ADAMTS6: variants seen among roughly 807,000 people sequenced by gnomAD.
ADAMTS6 encodes the protein ADAM metallopeptidase with thrombospondin type 1 motif 6, also known as A disintegrin and metalloproteinase with thrombospondin motifs 6.
A neutral mutation model predicts 144.3 loss-of-function variants in ADAMTS6; 23 were observed. That is an observed-to-expected ratio of 0.16 (90% CI 0.11 to 0.23). The LOEUF (loss-of-function observed/expected upper bound fraction) is 0.23. ADAMTS6 is among the 10% of genes least tolerant of loss of function. The pLI is 1.00. For synonymous variants in ADAMTS6, 444 were observed against 457.5 expected, an observed-to-expected ratio of 0.97 and a Z score of 0.38; for missense variants, 999 against 1,379.6, an observed-to-expected ratio of 0.72 and a Z score of 4.37.
At chr5:65,402,512 C>A (rs1255632381) in intron 7 of ADAMTS6, among the ~76,000 whole-genome samples, 1 of 152,140 alleles carries the variant, frequency 6.6e-6, no homozygotes, top group East Asian at 1.9e-4. Context: ...TCTATAACAT[C>A]ACCTTCTTAT....
At chr5:65,322,554 G>A (rs1458928097) in intron 9 of ADAMTS6, among the ~76,000 whole-genome samples, 1 of 137,918 alleles carries the variant, frequency 7.3e-6, no homozygotes, top group Non-Finnish European at 1.5e-5. Flanking sequence ...TTGAGCAGTG[G>A]TATGTAGTTT....
intron 7 of ADAMTS6, among the ~76,000 whole-genome samples, chr5:65,428,198 C>T (rs1756710602): frequency 6.8e-6 from 1 of 146,260 alleles, no homozygotes. Context: ...TGCATTCCAG[C>T]CTGCGCAACA....
At chr5:65,277,396 G>A (rs1459570530) in intron 11 of ADAMTS6, among the ~76,000 whole-genome samples, 3 of 152,162 alleles carry the variant, frequency 2.0e-5, no homozygotes, top group Non-Finnish European at 4.4e-5. Context: ...AGTTTTTAAT[G>A]TTCTTTGACA....
In ADAMTS6 at chr5:65,460,241, G is replaced by A. The variant is rs1357234111; in HGVS notation, c.560C>T (p.Pro187Leu). 6 of 1,614,078 alleles carry A rather than the reference G, an allele frequency of 3.7e-6. No individual in the cohort carries two copies. The South Asian group carries it at 4.4e-5, about 12-fold the overall frequency. ...GGCAGACTTTTTGTAAATAACATGA[G>A]GGTGGCCATTTTCATAACTAAAATG... ...SKHFSYENGH[P>L]HVIYKKSALQ... Residue 187 changes from proline (P) to leucine (L), a missense_variant, in exon 4 of 25, where the codon CCT (proline) becomes CTT (leucine). Transcript: ENST00000381055.
chr5:65,452,354 TTCAAGGTGCCTTGG>T, intron 5 of ADAMTS6, 138 bp from the exon 6 acceptor site: 2 of 654,500 alleles, frequency 3.1e-6, no homozygotes, highest in Non-Finnish European at 5.1e-6. Flanking sequence ...GAACTCTACC[TTCAAGGTGCCTTGG>T]TAAAAGGTTT....
chr5:65,391,174 G>A (rs1197759793), intron 7 of ADAMTS6, among the ~76,000 whole-genome samples: 1 of 152,040 alleles, frequency 6.6e-6, no homozygotes, highest in Non-Finnish European at 1.5e-5. Context: ...GCTGAACTTG[G>A]CCTCCCAAGT....
intron 22 of ADAMTS6, among the ~76,000 whole-genome samples, chr5:65,182,833 G>A (rs1424847977): frequency 6.6e-6 from 1 of 152,094 alleles, no homozygotes; most frequent in Admixed American, 6.6e-5. Flanking sequence ...CAGAGGTACA[G>A]AGATTTTCAA....
intron 20 of ADAMTS6, chr5:65,210,294 T>C (rs940816778): frequency 6.4e-6 from 1 of 156,210 alleles, no homozygotes; most frequent in Non-Finnish European, 1.4e-5. Flanking sequence ...CTACTAAAAA[T>C]ACAAAAATTA....
intron 10 of ADAMTS6, among the ~76,000 whole-genome samples, chr5:65,298,421 A>G (rs1028833597): frequency 4.6e-5 from 7 of 152,198 alleles, no homozygotes; most frequent in African/African-American, 1.7e-4. Flanking sequence ...ACTCCATTAT[A>G]AAAACATAAG....
intron 9 of ADAMTS6, among the ~76,000 whole-genome samples, chr5:65,305,041 A>AT (rs1436639262): frequency 6.6e-6 from 1 of 151,856 alleles, no homozygotes; most frequent in African/African-American, 2.4e-5. Flanking sequence ...TATGACAGCT[A>AT]TATAAGACAA....
chr5:65,306,428 C>T (rs1229846224), intron 9 of ADAMTS6, among the ~76,000 whole-genome samples: 3 of 152,150 alleles, frequency 2.0e-5, no homozygotes, highest in South Asian at 2.1e-4. Flanking sequence ...CATTTATTCC[C>T]GCAATTGCTT....
chr5:65,262,101 C>G (rs1035340380), intron 13 of ADAMTS6, among the ~76,000 whole-genome samples: 5 of 152,128 alleles, frequency 3.3e-5, no homozygotes, highest in Non-Finnish European at 7.4e-5. Flanking sequence ...GAAAGTACAA[C>G]TAGAGGAACC....
At chr5:65,185,351 G>A (rs1754607876) in intron 22 of ADAMTS6, among the ~76,000 whole-genome samples, 1 of 152,158 alleles carries the variant, frequency 6.6e-6, no homozygotes, top group African/African-American at 2.4e-5. Context: ...AACAGTATGG[G>A]GCAAAAACCA....
chr5:65,171,665 G>A (rs1753639071), intron 23 of ADAMTS6, among the ~76,000 whole-genome samples: 1 of 151,990 alleles, frequency 6.6e-6, no homozygotes, highest in African/African-American at 2.4e-5. Flanking sequence ...TTAGTTCAGT[G>A]TAATAGCAGT....
intron 18 of ADAMTS6, among the ~76,000 whole-genome samples, chr5:65,223,613 A>C (rs142118154): frequency 6.6e-6 from 1 of 152,148 alleles, no homozygotes; most frequent in South Asian, 2.1e-4. Context: ...CTCCAGGTTC[A>C]TCCATATTGT....
intron 7 of ADAMTS6, among the ~76,000 whole-genome samples, chr5:65,335,517 A>C (rs1747219735): frequency 6.6e-6 from 1 of 152,158 alleles, no homozygotes; most frequent in Admixed American, 6.6e-5. Flanking sequence ...GTAAAGGAAG[A>C]CTTTTCATGG....
At position 65,311,956 on chromosome 5, in the gene ADAMTS6, T is replaced by C. The variant is rs896935732; in HGVS notation, c.1224-11825A>G. Among the ~76,000 whole-genome samples, 5 of 152,090 alleles carry C rather than the reference T, an allele frequency of 3.3e-5. No homozygotes were observed. The South Asian group carries it at 6.2e-4, about 19-fold the overall frequency. On this transcript the variant is annotated intron_variant, in intron 9 of 24. Coordinates refer to ENST00000381055, the MANE Select transcript of ADAMTS6 (RefSeq NM_197941.4). ...ACTGAAGATAATCATGTTGCTAATATATCAACATCATTGTTTTTGTTAGAT... is the reference window on the plus strand; with the variant it reads ...ACTGAAGATAATCATGTTGCTAATACATCAACATCATTGTTTTTGTTAGAT...
At chr5:65,339,308 C>T (rs1254310698) in intron 7 of ADAMTS6, among the ~76,000 whole-genome samples, 1 of 152,100 alleles carries the variant, frequency 6.6e-6, no homozygotes, top group East Asian at 1.9e-4. Context: ...AGAACCAAGG[C>T]TAACAGACCC....
chr5:65,397,707 A>C (rs1468250399), intron 7 of ADAMTS6, among the ~76,000 whole-genome samples: 1 of 150,826 alleles, frequency 6.6e-6, no homozygotes, highest in Admixed American at 6.6e-5. Flanking sequence ...AGAAACCTCG[A>C]CTCTACAAAA....
Sources: allele counts gnomAD v4.1 joint callset (sites outside exome capture counted in the v4.1 genomes callset), GRCh38; gene constraint gnomAD v4.1.1; transcripts MANE v1.5; gene names NCBI Gene and HGNC (gene_info 2026-07-23, HGNC 2026-07-21).